Variants in COL9A1 observed in about 807,000 individuals in gnomAD.
The protein encoded by COL9A1 is collagen type IX alpha 1 chain, also known as collagen alpha-1(IX) chain.
Under a neutral mutation model 142.6 loss-of-function variants are expected in COL9A1, and 104 were observed. The observed-to-expected ratio is 0.73, with a 90% confidence interval of 0.62 to 0.86. The LOEUF is 0.86. COL9A1 is among the 40% of genes least tolerant of loss of function. The probability of loss-of-function intolerance (pLI) is 0.00; values close to 1 mark genes in which losing one functional copy is unlikely to be tolerated. For synonymous variants in COL9A1, 466 were observed against 396.0 expected, an observed-to-expected ratio of 1.18 and a Z score of -2.10; for missense variants, 1,210 against 1,176.6, an observed-to-expected ratio of 1.03 and a Z score of -0.42.
chr6:70,268,811 C>T lies in COL9A1; in HGVS notation c.1280G>A (p.Gly427Asp). The change falls in exon 17 of 38, where the codon GGC becomes GAC. Residue 427 changes from glycine (G) to aspartate (D), a missense_variant. Transcript: ENST00000357250. ...PGRSGYPGLP[G>D]MRGHKGAKGE... ...TGGAAGTTATTCTCTTACCCTCATG[C>T]CTGGTAGGCCTGGATATCCTGAGCG... 6.2e-7 allele frequency: 1 copy of T among 1,613,598 alleles called. No individual in the cohort carries two copies. Among genetic ancestry groups the T allele is most frequent in the Non-Finnish European group, 8.5e-7 (1 of 1,179,628 alleles).
chr6:70,256,776 C>A lies in COL9A1; in HGVS notation c.1495G>T (p.Gly499Cys). 6.2e-7 allele frequency: 1 copy of A among 1,612,548 alleles called. No homozygotes were observed. The highest frequency in any genetic ancestry group is 8.5e-7 in the Non-Finnish European group (1 of 1,179,802). ...GAAGGAAAATCACTTACAGGTGCACCAGGAAGACCCTGAGGCCCAGGTTCA... is the reference window on the plus strand; with the variant it reads ...GAAGGAAAATCACTTACAGGTGCACAAGGAAGACCCTGAGGCCCAGGTTCA... ...DGEPGPQGLP[G>C]APGDQGQRGP... Residue 499 changes from glycine (G) to cysteine (C), a missense_variant, in exon 21 of 38, where the codon GGT (glycine) becomes TGT (cysteine). Physicochemically the swap from Gly to Cys is radical, Grantham distance 159. Transcript: ENST00000357250.
intron 4 of COL9A1, among the ~76,000 whole-genome samples, chr6:70,297,612 A>G (rs1773891838): frequency 1.3e-5 from 2 of 152,206 alleles, no homozygotes; most frequent in South Asian, 4.1e-4. Context: ...GACAGCATAC[A>G]TAATTTAAAA....
At chr6:70,257,047 A>AC (rs1422555551) in intron 20 of COL9A1, among the ~76,000 whole-genome samples, 1 of 122,890 alleles carries the variant, frequency 8.1e-6, no homozygotes, top group Non-Finnish European at 1.8e-5. Flanking sequence ...GCCACTCTGT[A>AC]ATTTTTTTTT....
rs573881486 is a variant in COL9A1, at chr6:70,256,927, T to C, written c.1450-106A>G. On this transcript the variant is annotated intron_variant, in intron 20 of 37. Coordinates refer to ENST00000357250, the MANE Select transcript of COL9A1 (RefSeq NM_001851.6). ...TAATAGCCAGATGAAAAGGAGGTTT[T>C]GTGCCTGTAATACACACAGTGATCC... is the stretch of plus-strand genomic sequence containing the variant. 6.8e-6 allele frequency: 7 copies of C among 1,032,994 alleles called. No individual in the cohort carries two copies. The Admixed American group carries it at 1.4e-4, about 20-fold the overall frequency. 64.0% of individuals were successfully genotyped at this position (1,032,994 alleles called of 1,614,324 possible). A position where few individuals can be genotyped will look rare whatever the true frequency, so the allele number is the denominator to read the frequency against.
chr6:70,242,618 A>G, intron 29 of COL9A1, 44 bp downstream of exon 29: 2 of 1,531,836 alleles, frequency 1.3e-6, no homozygotes, highest in Admixed American at 1.7e-5. Flanking sequence ...TTAAAAATGC[A>G]TTGTGTTTCG....
At position 70,302,974 on chromosome 6, in the gene COL9A1, T is replaced by C. The variant is rs141436759; in HGVS notation, c.-50A>G. ...GCCAACAGTCCCTATGAAGAAGGGG[T>C]TGGAAGGGAGTCACTGTCCCCTCAC... is the stretch of plus-strand genomic sequence containing the variant. On this transcript the variant is annotated 5_prime_UTR_variant, in exon 1 of 38. Transcript: ENST00000357250. The C allele has an allele frequency of 2.8e-3, 4,481 of 1,596,894 alleles. 7 individuals carry two copies. Among genetic ancestry groups the C allele is most frequent in the Middle Eastern group, 5.0e-3 (30 of 6,030 alleles).
Position 70,254,459 on chromosome 6 carries a change from A to G in COL9A1, c.1719+17T>C. ...ATGTATATAAACCAATTAACATGTA[A>G]AGAATCAAATACTTACTGGTAACCC... On this transcript the variant is annotated intron_variant, in intron 25 of 37. Transcript: ENST00000357250. 6.2e-7 allele frequency: 1 copy of G among 1,613,298 alleles called. No individual in the cohort carries two copies. Among genetic ancestry groups the G allele is most frequent in the Non-Finnish European group, 8.5e-7 (1 of 1,179,240 alleles).
chr6:70,291,841 A>G (rs1427925255), intron 5 of COL9A1, among the ~76,000 whole-genome samples: 1 of 152,172 alleles, frequency 6.6e-6, no homozygotes, highest in Non-Finnish European at 1.5e-5. Flanking sequence ...GATAAGGTAG[A>G]TTAGAAATGT....
intron 5 of COL9A1, among the ~76,000 whole-genome samples, chr6:70,288,710 T>G (rs1773548041): frequency 6.6e-6 from 1 of 152,116 alleles, no homozygotes; most frequent in South Asian, 2.1e-4. Flanking sequence ...GGAATCCTCC[T>G]CCCCCAGATA....
chr6:70,275,725 G>T lies in COL9A1; in HGVS notation c.976-953C>A, dbSNP rs552159197. On this transcript the variant is annotated intron_variant, in intron 10 of 37. Transcript: ENST00000357250. ...TGTCATTTACAATGTAATCTTGAAA[G>T]TATACCTTCCTAAAGATAAATATGA... is the stretch of plus-strand genomic sequence containing the variant. Among the ~76,000 whole-genome samples the T allele has an allele frequency of 5.5e-4, 83 of 152,036 alleles. 1 individual carries two copies. The highest frequency in any genetic ancestry group is 1.9e-3 in the African/African-American group (78 of 41,496).
rs764532760 is a variant in COL9A1 at position 70,242,703 on chromosome 6, C to A, written c.1885G>T (p.Glu629Ter). 1.2e-6 allele frequency: 2 copies of A among 1,614,186 alleles called. No homozygotes were observed. The highest frequency in any genetic ancestry group is 2.2e-5 in the East Asian group (1 of 44,872). ...CCTGGGGATCCCACTGGTCCTAATTCTCCTCTACTGCCCTGTAAAAACACA... is the reference window on the plus strand; with the variant it reads ...CCTGGGGATCCCACTGGTCCTAATTATCCTCTACTGCCCTGTAAAAACACA... ...GPQGLPGSRG[E>*]LGPVGSPGLP... The change falls in exon 29 of 38, where the codon GAA becomes TAA. Residue 629 changes from glutamate to a stop codon, truncating the protein, a stop_gained. Transcript: ENST00000357250. LOFTEE classifies it high-confidence loss of function.
At chr6:70,255,652 C>T (rs1480665050) in intron 21 of COL9A1, among the ~76,000 whole-genome samples, 1 of 152,194 alleles carries the variant, frequency 6.6e-6, no homozygotes, top group African/African-American at 2.4e-5. Context: ...TTGTGTGTAA[C>T]ATATAATGGA....
At chr6:70,239,468 G>C (rs1770112969) in intron 32 of COL9A1, among the ~76,000 whole-genome samples, 182 bp from the exon 33 acceptor site, 1 of 152,168 alleles carries the variant, frequency 6.6e-6, no homozygotes, top group Admixed American at 6.5e-5. Flanking sequence ...TTAACTCTGT[G>C]ACCCTCTGTA....
chr6:70,251,230 A>G (rs1398906439), intron 28 of COL9A1, among the ~76,000 whole-genome samples: 1 of 152,228 alleles, frequency 6.6e-6, no homozygotes, highest in Non-Finnish European at 1.5e-5. Flanking sequence ...GCTAAGTGAC[A>G]GAAGCCAATC....
chr6:70,279,443 T>A (rs372160132), intron 10 of COL9A1: 1 of 151,960 alleles, frequency 6.6e-6, no homozygotes, highest in Non-Finnish European at 1.5e-5. Context: ...CAAGATCTAT[T>A]TCCTAAAATA....
intron 15 of COL9A1, among the ~76,000 whole-genome samples, chr6:70,270,005 A>G (rs934164193): frequency 1.3e-5 from 2 of 152,238 alleles, no homozygotes; most frequent in Non-Finnish European, 2.9e-5. Flanking sequence ...ACCTTTGTAA[A>G]AACTAGTTCA....
chr6:70,302,111 T>A, intron 1 of COL9A1, 37 bp from the exon 2 acceptor site: 1 of 1,426,862 alleles, frequency 7.0e-7, no homozygotes, highest in Non-Finnish European at 9.8e-7. Context: ...GAAACAGGAG[T>A]CCCCGCAGAT....
intron 18 of COL9A1, among the ~76,000 whole-genome samples, chr6:70,264,994 T>C (rs989657003): frequency 6.6e-6 from 1 of 152,124 alleles, no homozygotes; most frequent in Non-Finnish European, 1.5e-5. Flanking sequence ...TCAAGGTTCA[T>C]TCTGCAATGA....
At chr6:70,290,290 C>T (rs1034529108) in intron 5 of COL9A1, among the ~76,000 whole-genome samples, 2 of 152,076 alleles carry the variant, frequency 1.3e-5, no homozygotes, top group Non-Finnish European at 2.9e-5. Flanking sequence ...CATAAAATAA[C>T]ATGTTTTTAT....
Sources: gnomAD v4.1 joint callset for allele counts (sites outside exome capture counted in the v4.1 genomes callset) on GRCh38, gnomAD v4.1.1 for gene constraint, MANE v1.5 for transcripts, NCBI Gene and HGNC (gene_info 2026-07-23, HGNC 2026-07-21) for gene names.